SFMBT1: variants seen among roughly 807,000 people sequenced by gnomAD.
SFMBT1 encodes the protein scm-like with four MBT domains protein 1.
SFMBT1 carries 32 observed loss-of-function variants against 108.7 expected under a neutral mutation model. The observed-to-expected ratio is 0.29, with a 90% CI of 0.22 to 0.40. The LOEUF is 0.40. Ranked by LOEUF, SFMBT1 falls within the 10% of genes least tolerant of loss-of-function variation. The pLI, the probability that SFMBT1 is intolerant of heterozygous loss-of-function variation, is 1.00. For synonymous variants in SFMBT1, 348 were observed against 369.5 expected (o/e 0.94, Z 0.67); for missense variants, 816 against 1,059.6 (o/e 0.77, Z 3.19).
chr3:52,949,125 GCTAT>G (rs1703482030), intron 3 of SFMBT1, among the ~76,000 whole-genome samples: 4 of 151,990 alleles, frequency 2.6e-5, no homozygotes, highest in Admixed American at 1.3e-4. Flanking sequence ...GGACTTTCCA[GCTAT>G]CTTTCTGTTA....
intron 1 of SFMBT1, among the ~76,000 whole-genome samples, chr3:52,984,726 C>CTGTGTGTGTGTGTGTGTG (rs57308874): frequency 1.9e-4 from 26 of 140,244 alleles, no homozygotes; most frequent in African/African-American, 7.0e-4. Context: ...ATACTAAATA[C>CTGTGTGTGTGTGTGTGTG]TGTGTGTGTG....
At chr3:52,990,455 G>A (rs1247824199) in intron 1 of SFMBT1, among the ~76,000 whole-genome samples, 1 of 152,120 alleles carries the variant, frequency 6.6e-6, no homozygotes, top group Non-Finnish European at 1.5e-5. Flanking sequence ...GAGACTTAAT[G>A]TCAAATCTAA....
At chr3:52,965,673 T>C (rs766932611) in intron 2 of SFMBT1, among the ~76,000 whole-genome samples, 7 of 151,860 alleles carry the variant, frequency 4.6e-5, no homozygotes, top group Non-Finnish European at 1.0e-4. Context: ...TCAAATGAAA[T>C]GAAATGAAGA....
At chr3:52,913,868 G>C (rs1231612999) in intron 14 of SFMBT1, among the ~76,000 whole-genome samples, 3 of 152,162 alleles carry the variant, frequency 2.0e-5, no homozygotes, top group African/African-American at 7.2e-5. Context: ...CTGCAAAATT[G>C]ATAGAAGAAC....
intron 1 of SFMBT1, among the ~76,000 whole-genome samples, chr3:52,990,472 AAAGTCTT>A (rs1177279375): frequency 6.6e-6 from 1 of 152,230 alleles, no homozygotes; most frequent in Admixed American, 6.5e-5. Flanking sequence ...CTAACTATGC[AAAGTCTT>A]AAGTTTACTT....
intron 1 of SFMBT1, among the ~76,000 whole-genome samples, chr3:52,980,358 A>T (rs1028223075): frequency 6.6e-6 from 1 of 152,172 alleles, no homozygotes; most frequent in African/African-American, 2.4e-5. Context: ...GACACTAATC[A>T]TCTCCACGTG....
chr3:52,954,237 CTT>C (rs1428579348), intron 3 of SFMBT1, 78 bp downstream of exon 3: 12 of 1,113,222 alleles, frequency 1.1e-5, no homozygotes, highest in Non-Finnish European at 1.6e-5. Flanking sequence ...ATTAAAATAA[CTT>C]TAAATTCTCT....
chr3:52,968,390 T>C (rs1168636785), intron 2 of SFMBT1, among the ~76,000 whole-genome samples: 2 of 152,160 alleles, frequency 1.3e-5, no homozygotes, highest in Non-Finnish European at 2.9e-5. Context: ...TGACATAGAA[T>C]TGCACATTCT....
Position 53,000,204 on chromosome 3 carries a change from A to G in SFMBT1, c.-130-30946T>C, listed in dbSNP as rs975604099. ...AGGTTTTTATTTACTCACTGCTTTA[A>G]GCATACACGACACTTCGGTTTTATT... On this transcript the variant is annotated intron_variant, in intron 1 of 20. Transcript: ENST00000394752. Among the ~76,000 whole-genome samples, 4 of 147,900 alleles carry G rather than the reference A, an allele frequency of 2.7e-5. 1 individual carries two copies. Among genetic ancestry groups the G allele is most frequent in the Non-Finnish European group, 6.0e-5 (4 of 66,586 alleles).
At chr3:52,950,772 C>A (rs1040602765) in intron 3 of SFMBT1, among the ~76,000 whole-genome samples, 1 of 152,126 alleles carries the variant, frequency 6.6e-6, no homozygotes, top group Non-Finnish European at 1.5e-5. Context: ...CCGTGCCCGG[C>A]TGCTGTCATT....
chr3:52,929,333 G>A (rs181763830), intron 8 of SFMBT1, among the ~76,000 whole-genome samples: 9 of 152,194 alleles, frequency 5.9e-5, no homozygotes, highest in African/African-American at 2.2e-4. Context: ...TCCGCCTCCC[G>A]GGTTCAAGCG....
intron 1 of SFMBT1, among the ~76,000 whole-genome samples, chr3:52,991,228 A>ACATTT (rs777228109): frequency 2.0e-5 from 3 of 152,194 alleles, no homozygotes; most frequent in Non-Finnish European, 4.4e-5. Context: ...CCATGTGCCA[A>ACATTT]CATTTCCTCA....
intron 1 of SFMBT1, among the ~76,000 whole-genome samples, chr3:53,041,493 T>C (rs776212655): frequency 3.3e-5 from 5 of 150,858 alleles, no homozygotes; most frequent in Non-Finnish European, 7.4e-5. Flanking sequence ...AGATCAGGAG[T>C]TCAAGACTAG....
chr3:52,944,765 C>T (rs897197428), intron 3 of SFMBT1, among the ~76,000 whole-genome samples: 2 of 152,100 alleles, frequency 1.3e-5, no homozygotes, highest in African/African-American at 4.8e-5. Flanking sequence ...AGGTGATCCA[C>T]CCACCTCAGC....
At chr3:52,918,336 T>C in intron 13 of SFMBT1, 148 bp downstream of exon 13, 1 of 555,936 alleles carries the variant, frequency 1.8e-6, no homozygotes, top group Non-Finnish European at 3.0e-6. Flanking sequence ...AGAAAATGCA[T>C]ATACTGCAAA....
rs189180382 is a variant in SFMBT1 at position 52,978,772 on chromosome 3, T to C, written c.-130-9514A>G. ...TATATCTAATATAATGGAATATTAT[T>C]CAGCCATAAAAAGAAATGAAGTACG... On this transcript the variant is annotated intron_variant, in intron 1 of 20. Coordinates refer to ENST00000394752, the MANE Select transcript of SFMBT1 (RefSeq NM_016329.4). Among the ~76,000 whole-genome samples the C allele has an allele frequency of 9.2e-5, 14 of 152,302 alleles. No individual in the cohort carries two copies. The East Asian group carries it at 1.7e-3, about 19-fold the overall frequency.
At chr3:52,925,175 C>T (rs149924288) in intron 10 of SFMBT1, among the ~76,000 whole-genome samples, 1,954 of 152,190 alleles carry the variant, frequency 0.013, 46 homozygotes, top group African/African-American at 0.045. Flanking sequence ...GAGCTGAGAT[C>T]GTGCCACTGC....
Position 52,921,739 on chromosome 3 carries a change from T to C in SFMBT1, c.1224A>G (p.Ala408=), listed in dbSNP as rs749625194. The stretch of plus-strand genomic sequence containing the variant: ...GGAGCCACAGGTAGGAGCCTCTCAC[T>C]GCAGTGATGGTAGCAACACACACTT... ...PEEVCVATIT[A]VRGSYLWLQL... Residue 408 remains alanine, a synonymous_variant, in exon 11 of 21, where the codon GCA becomes GCG. Coordinates refer to ENST00000394752, the MANE Select transcript of SFMBT1 (RefSeq NM_016329.4). 6.2e-7 allele frequency: 1 copy of C among 1,614,142 alleles called. No individual in the cohort carries two copies. Among genetic ancestry groups the C allele is most frequent in the South Asian group, 1.1e-5 (1 of 91,084 alleles).
chr3:52,953,721 T>C (rs1703673072), intron 3 of SFMBT1, among the ~76,000 whole-genome samples: 2 of 152,214 alleles, frequency 1.3e-5, no homozygotes, highest in South Asian at 2.1e-4. Flanking sequence ...CAATAATTTT[T>C]TTCAATTTAT....
Sources: gnomAD v4.1 joint callset for allele counts (sites outside exome capture counted in the v4.1 genomes callset) on GRCh38, gnomAD v4.1.1 for gene constraint, MANE v1.5 for transcripts, NCBI Gene and HGNC (gene_info 2026-07-23, HGNC 2026-07-21) for gene names.